The following ARHGAP4 variants were observed in gnomAD, a reference collection of about 807,000 sequenced individuals.
ARHGAP4 encodes the protein rho GTPase-activating protein 4.
A neutral mutation model predicts 67.6 loss-of-function variants in ARHGAP4; 25 were observed. That is an observed-to-expected ratio of 0.37 (90% CI 0.27 to 0.52). The LOEUF is 0.52. Ranked by LOEUF, ARHGAP4 falls within the 20% of genes least tolerant of loss-of-function variation. ARHGAP4 has a pLI of 0.92. For synonymous variants in ARHGAP4, 448 were observed against 373.7 expected, an observed-to-expected ratio of 1.20 and a Z score of -2.29; for missense variants, 804 against 854.6, an observed-to-expected ratio of 0.94 and a Z score of 0.74.
rs781833652 is a variant in ARHGAP4 at position 153,915,016 on chromosome X, G to A, written c.1033-1137C>T. Among the ~76,000 whole-genome samples the A allele has an allele frequency of 7.1e-5, 8 of 112,566 alleles. No individual in the cohort carries two copies. The South Asian group carries it at 1.8e-3, about 26-fold the overall frequency. The stretch of plus-strand genomic sequence containing the variant: ...CTCTCCATCTCCACCAAGCCCCGCC[G>A]TACAGGACTGCATGAAGGCGCAAGT... On this transcript the variant is annotated intron_variant, in intron 7 of 21. Coordinates refer to ENST00000350060, the MANE Select transcript of ARHGAP4 (RefSeq NM_001666.5).
chrX:153,918,923 G>C lies in ARHGAP4; in HGVS notation c.941C>G (p.Pro314Arg), dbSNP rs140619653. 7.8e-5 allele frequency: 94 copies of C among 1,210,752 alleles called. No individual in the cohort carries two copies. The highest frequency in any genetic ancestry group is 9.9e-5 in the Non-Finnish European group (89 of 895,215). ...GAGAACCTTGGCTTTGTCCCCTGGA[G>C]GATCCAGGGCCTCCACAGCTTCTTC... The part of the protein sequence containing the change: ...SLEEAVEALD[P>R]PGDKAKVLEV... Residue 314 changes from proline to arginine, a missense_variant, in exon 7 of 22, where the codon CCT (proline) becomes CGT (arginine). This residue lies in a region of ARHGAP4 where 404 missense variants were observed against 505.9 expected (regional missense o/e 0.80). Coordinates refer to ENST00000350060, the MANE Select transcript of ARHGAP4 (RefSeq NM_001666.5).
intron 4 of ARHGAP4, 44 bp from the exon 5 acceptor site, chrX:153,920,852 G>A: frequency 8.4e-7 from 1 of 1,197,345 alleles, no homozygotes; most frequent in African/African-American, 1.7e-5. Context: ...GAAGGCCACG[G>A]CTGGGCCAGC....
Position 153,921,259 on chromosome X carries a change from G to T in ARHGAP4, c.436-100C>A, listed in dbSNP as rs2065091802. On this transcript the variant is annotated intron_variant, in intron 3 of 21. Transcript: ENST00000350060. Reference sequence around the variant, plus strand: ...CAAGCCCCATCGGGGGGGCACACAGGTTCGCTCTGCCTGCTCCCCACCTGG... The same window carrying T: ...CAAGCCCCATCGGGGGGGCACACAGTTTCGCTCTGCCTGCTCCCCACCTGG... 9.3e-6 allele frequency: 11 copies of T among 1,179,674 alleles called. No individual in the cohort carries two copies. The East Asian group carries it at 1.5e-4, about 17-fold the overall frequency.
chrX:153,908,950 T>C lies in ARHGAP4; in HGVS notation c.2607+120A>G, dbSNP rs952387136. The C allele has an allele frequency of 1.9e-5, 14 of 744,013 alleles. No individual in the cohort carries two copies. The South Asian group carries it at 3.2e-4, about 17-fold the overall frequency. 61.3% of individuals were successfully genotyped at this position (744,013 alleles called of 1,213,427 possible). A position where few individuals can be genotyped will look rare whatever the true frequency, so the allele number is the denominator to read the frequency against. ...CCTGTGTGTCTGGCGGCAGGTTCCCTTGAGCTAAGGCCAGGGAGGGCAACG... is the reference window on the plus strand; with the variant it reads ...CCTGTGTGTCTGGCGGCAGGTTCCCCTGAGCTAAGGCCAGGGAGGGCAACG... On this transcript the variant is annotated intron_variant, in intron 21 of 21. Transcript: ENST00000350060.
Position 153,910,708 on chromosome X carries a change from G to A in ARHGAP4, c.1808C>T (p.Ala603Val), listed in dbSNP as rs1557102947. The change falls in exon 15 of 22, where the codon GCT becomes GTT. Residue 603 changes from alanine to valine, a missense_variant. By Grantham distance (64) the Ala-to-Val change is moderately conservative. Around this residue, in one of 2 missense-constraint regions of ARHGAP4, gnomAD observed 400 missense variants for 348.7 expected, o/e 1.15. Coordinates refer to ENST00000350060, the MANE Select transcript of ARHGAP4 (RefSeq NM_001666.5). ...FPPDLFGELLASSELEATAER... is the reference protein window; with the variant it reads ...FPPDLFGELLVSSELEATAER... ...TCAGGCCCCAGCCTCACCCGAAGAAGCCAGCAGCTCGCCGAACAGGTCTGG... is the reference window on the plus strand; with the variant it reads ...TCAGGCCCCAGCCTCACCCGAAGAAACCAGCAGCTCGCCGAACAGGTCTGG... 8.4e-7 allele frequency: 1 copy of A among 1,193,839 alleles called. No homozygotes were observed. The highest frequency in any genetic ancestry group is 1.8e-5 in the African/African-American group (1 of 57,076).
intron 4 of ARHGAP4, 74 bp from the exon 5 acceptor site, chrX:153,920,882 C>A (rs1557105129): frequency 8.7e-7 from 1 of 1,155,809 alleles, no homozygotes; most frequent in Admixed American, 2.2e-5. Flanking sequence ...TCTACCCCTG[C>A]CCCTCTGGAA....
chrX:153,918,739 G>T, intron 7 of ARHGAP4, 93 bp downstream of exon 7: 1 of 961,355 alleles, frequency 1.0e-6, no homozygotes, highest in Non-Finnish European at 1.5e-6. Flanking sequence ...GGAGAACTTG[G>T]ATTCCTGAGC....
chrX:153,917,191 G>C (rs1405801771), intron 7 of ARHGAP4, among the ~76,000 whole-genome samples: 1 of 110,809 alleles, frequency 9.0e-6, no homozygotes, highest in Non-Finnish European at 1.9e-5. Context: ...ACTCTAGCCT[G>C]GGCGACAGAG....
intron 19 of ARHGAP4, 42 bp downstream of exon 19, chrX:153,909,699 A>T (rs1341153844): frequency 8.8e-7 from 1 of 1,142,649 alleles, no homozygotes; most frequent in South Asian, 2.1e-5. Flanking sequence ...GATGAAGGGG[A>T]GACTCCGGGA....
chrX:153,920,878 C>T, intron 4 of ARHGAP4, 70 bp from the exon 5 acceptor site: 1 of 1,164,961 alleles, frequency 8.6e-7, no homozygotes, highest in Middle Eastern at 2.4e-4. Flanking sequence ...GCCCTCTACC[C>T]CTGCCCCTCT....
In ARHGAP4 at chrX:153,919,001, G is replaced by A. The variant is rs782050700; in HGVS notation, c.863C>T (p.Thr288Met). Residue 288 changes from threonine (T) to methionine (M), a missense_variant, in exon 7 of 22, where the codon ACG becomes ATG. Thr to Met is a moderately conservative substitution (Grantham distance 81, BLOSUM62 -1). This residue lies in a region of ARHGAP4 where 404 missense variants were observed against 505.9 expected (regional missense o/e 0.80). Coordinates refer to ENST00000350060, the MANE Select transcript of ARHGAP4 (RefSeq NM_001666.5). ...GGCTTGGGTGCGGCTCTCAGCGGCC[G>A]TGTAGCTCCGGAGCACCTGCCCCAG... ...LALGQVLRSY[T>M]AAESRTQASQ... is the part of the protein sequence containing the mutation. The A allele has an allele frequency of 1.8e-5, 22 of 1,210,231 alleles. No individual in the cohort carries two copies. The highest frequency in any genetic ancestry group is 1.5e-4 in the Admixed American group (7 of 45,843).
At chrX:153,909,293 T>C in intron 20 of ARHGAP4, 124 bp from the exon 21 acceptor site, 2 of 862,287 alleles carry the variant, frequency 2.3e-6, no homozygotes, top group Non-Finnish European at 3.2e-6. Flanking sequence ...CCCAAGCTCC[T>C]CTAGAGCCTC....
intron 5 of ARHGAP4, among the ~76,000 whole-genome samples, chrX:153,919,945 C>T (rs1287534354): frequency 9.0e-6 from 1 of 111,118 alleles, no homozygotes; most frequent in African/African-American, 3.3e-5. Context: ...CGCCATCATG[C>T]CCGGCTAATT....
At chrX:153,919,660 G>A (rs782260338) in intron 5 of ARHGAP4, 56 of 1,164,308 alleles carry the variant, frequency 4.8e-5, no homozygotes, top group Non-Finnish European at 6.1e-5. Flanking sequence ...AGCTGGAAGC[G>A]GCCACAGGCC....
intron 12 of ARHGAP4, among the ~76,000 whole-genome samples, chrX:153,912,157 G>A (rs1308823857): frequency 1.9e-5 from 2 of 104,508 alleles, no homozygotes; most frequent in Non-Finnish European, 3.9e-5. Context: ...CTTTCACTGG[G>A]ATTACAGGCA....
intron 7 of ARHGAP4, 99 bp from the exon 8 acceptor site, chrX:153,913,978 G>A: frequency 1.3e-6 from 1 of 759,779 alleles, no homozygotes. Context: ...TTGTGGCCTG[G>A]CGGCCGGGCA....
At chrX:153,909,334 G>A (rs782709109) in intron 20 of ARHGAP4, 109 bp downstream of exon 20, 8 of 891,968 alleles carry the variant, frequency 9.0e-6, no homozygotes, top group African/African-American at 4.4e-5. Context: ...ATTCTGTCAC[G>A]TCCTCATCTG....
chrX:153,922,626 C>A (rs1029779475), intron 1 of ARHGAP4, among the ~76,000 whole-genome samples: 1 of 112,172 alleles, frequency 8.9e-6, no homozygotes, highest in Admixed American at 9.4e-5. Flanking sequence ...AAGCAACCTG[C>A]GGAAGACACT....
At chrX:153,908,935 T>C (rs1388906873) in intron 21 of ARHGAP4, 135 bp downstream of exon 21, 5 of 616,305 alleles carry the variant, frequency 8.1e-6, no homozygotes, top group Non-Finnish European at 1.3e-5. Context: ...CCTGTGTGTC[T>C]GGCGGCAGGT....
Sources: allele counts gnomAD v4.1 joint callset (sites outside exome capture counted in the v4.1 genomes callset), GRCh38; gene constraint gnomAD v4.1.1; regional missense constraint gnomAD v4.1.1; transcripts MANE v1.5; gene names NCBI Gene and HGNC (gene_info 2026-07-23, HGNC 2026-07-21).